Variants in CERT1 observed in about 807,000 individuals in gnomAD.
CERT1 encodes ceramide transfer protein.
In CERT1, 31 loss-of-function variants were observed where a neutral mutation model predicts 87.9. That is an observed-to-expected ratio of 0.35 (90% CI 0.27 to 0.48). The LOEUF is 0.48. CERT1 is among the 20% of genes least tolerant of loss of function. The probability of loss-of-function intolerance (pLI) is 0.99; values close to 1 mark genes in which losing one functional copy is unlikely to be tolerated. For missense variants in CERT1, 487 were observed against 758.0 expected, an observed-to-expected ratio of 0.64 and a Z score of 4.20; for synonymous variants, 289 against 250.9, an observed-to-expected ratio of 1.15 and a Z score of -1.44.
intron 15 of CERT1, 145 bp downstream of exon 15, chr5:75,381,804 T>A: frequency 1.3e-6 from 1 of 754,962 alleles, no homozygotes; most frequent in Non-Finnish European, 2.2e-6. Context: ...TGGGCTATAC[T>A]GTTCCTAGCA....
At chr5:75,430,563 G>A (rs949973891) in intron 3 of CERT1, among the ~76,000 whole-genome samples, 3 of 152,136 alleles carry the variant, frequency 2.0e-5, no homozygotes, top group Non-Finnish European at 4.4e-5. Flanking sequence ...AAGAAAATGT[G>A]GGAAGTGTAG....
intron 3 of CERT1, among the ~76,000 whole-genome samples, chr5:75,435,046 T>G (rs770565165): frequency 3.9e-5 from 6 of 152,186 alleles, no homozygotes; most frequent in Non-Finnish European, 8.8e-5. Context: ...TTTTTCTAGT[T>G]CATCATGGTG....
intron 2 of CERT1, among the ~76,000 whole-genome samples, chr5:75,466,951 G>A (rs1044532425): frequency 1.3e-5 from 2 of 152,176 alleles, no homozygotes; most frequent in Non-Finnish European, 2.9e-5. Flanking sequence ...GGTTCCAGGT[G>A]ATCCTCTTTA....
intron 3 of CERT1, 45 bp downstream of exon 3, chr5:75,459,020 C>T (rs1380024588): frequency 1.8e-6 from 2 of 1,084,694 alleles, no homozygotes; most frequent in Non-Finnish European, 2.8e-6. Flanking sequence ...TGTCAACAAT[C>T]TCTTACCTAG....
At chr5:75,419,549 T>C in intron 5 of CERT1, 125 bp from the exon 6 acceptor site, 1 of 662,614 alleles carries the variant, frequency 1.5e-6, no homozygotes, top group Non-Finnish European at 2.6e-6. Context: ...CTCATCTTTG[T>C]ATTTTCACTG....
At chr5:75,414,068 A>C (rs1166550631) in intron 7 of CERT1, among the ~76,000 whole-genome samples, 1 of 152,248 alleles carries the variant, frequency 6.6e-6, no homozygotes, top group Non-Finnish European at 1.5e-5. Context: ...GCAATAAAAA[A>C]GAATAAACTA....
chr5:75,399,226 A>C, intron 11 of CERT1, 84 bp downstream of exon 11: 2 of 1,044,096 alleles, frequency 1.9e-6, no homozygotes, highest in Non-Finnish European at 3.0e-6. Flanking sequence ...CAGTGGCCTA[A>C]CCAAAAGATT....
rs767045597 is a variant in CERT1 at position 75,381,149 on chromosome 5, G to A, written c.1670C>T (p.Thr557Ile). The A allele has an allele frequency of 1.4e-5, 23 of 1,614,060 alleles. No individual in the cohort carries two copies. Among genetic ancestry groups the A allele is most frequent in the Non-Finnish European group, 1.9e-5 (22 of 1,179,990 alleles). The change falls in exon 16 of 17, where the codon ACC becomes ATC. Residue 557 changes from threonine (T) to isoleucine (I), a missense_variant. Thr to Ile is a moderately conservative substitution (Grantham distance 89). Around this residue, in one of 8 missense-constraint regions of CERT1, gnomAD observed 147 missense variants for 200.8 expected, o/e 0.73. Coordinates refer to ENST00000643780, the MANE Select transcript of CERT1 (RefSeq NM_001379029.1). ...AKINVAMICQ[T>I]LVSPPEGNQE... ...GTTTCCCTCTGGTGGGCTTACCAAGGTTTGACAAATCATAGCAACATTTAT... is the reference window on the plus strand; with the variant it reads ...GTTTCCCTCTGGTGGGCTTACCAAGATTTGACAAATCATAGCAACATTTAT...
In CERT1 at chr5:75,460,257, C is replaced by T. The variant is rs140466058; in HGVS notation, c.232-1076G>A. ...ATTTATCAAATCTTATGAAATTTAA[C>T]AAAGCAAGATAAAAATGTTAACATT... On this transcript the variant is annotated intron_variant, in intron 2 of 16. Transcript: ENST00000643780. Among the ~76,000 whole-genome samples the T allele has an allele frequency of 7.9e-4, 120 of 152,048 alleles. 1 individual carries two copies. In the East Asian group the frequency reaches 0.021, roughly 27 times the overall value.
intron 8 of CERT1, among the ~76,000 whole-genome samples, chr5:75,409,319 T>A (rs1762836575): frequency 6.6e-6 from 1 of 152,202 alleles, no homozygotes; most frequent in Non-Finnish European, 1.5e-5. Context: ...TTAAGTCTCA[T>A]CAGAATGCAC....
chr5:75,388,318 G>T lies in CERT1; in HGVS notation c.1284+1274C>A, dbSNP rs139059686. ...CAGCATCTAATATTATATCTTATTT[G>T]CTAGAATAATTCTGGTCAACATAGA... On this transcript the variant is annotated intron_variant, in intron 12 of 16. Coordinates refer to ENST00000643780, the MANE Select transcript of CERT1 (RefSeq NM_001379029.1). Among the ~76,000 whole-genome samples the T allele has an allele frequency of 1.1e-3, 163 of 151,988 alleles. 1 individual carries two copies. The East Asian group carries it at 0.027, about 25-fold the overall frequency.
rs1554040550 is a variant in CERT1 at position 75,438,932 on chromosome 5, T to TTC, written c.349-12455_349-12454insGA. Among the ~76,000 whole-genome samples, 39 of 151,586 alleles carry TTC rather than the reference T, an allele frequency of 2.6e-4. No homozygotes were observed. In the South Asian group the frequency reaches 7.5e-3, roughly 29 times the overall value. Reference sequence around the variant, plus strand: ...ATATTAGGACATATCTTTTTTTTTTTCTTTTAAGAGCAATACCAGCCTGAA... The same window carrying TTC: ...ATATTAGGACATATCTTTTTTTTTTTTCCTTTTAAGAGCAATACCAGCCTGAA... On this transcript the variant is annotated intron_variant, in intron 3 of 16. Transcript: ENST00000643780.
intron 17 of CERT1, chr5:75,369,500 TAGAGTCTAATGGGAAAAAAAAAAACTTA>T (rs1761009041): frequency 6.6e-6 from 1 of 151,540 alleles, no homozygotes; most frequent in African/African-American, 2.4e-5. Context: ...CATTAAAAAG[TAGAGTCTAATGGGAAAAAAAAAAACTTA>T]AGAGTCAGGG....
chr5:75,403,417 A>C (rs1762578874), intron 8 of CERT1, among the ~76,000 whole-genome samples: 2 of 152,250 alleles, frequency 1.3e-5, no homozygotes, highest in Admixed American at 1.3e-4. Flanking sequence ...GAAAAAATAA[A>C]AGTAATAATA....
At chr5:75,436,178 G>A (rs1391780910) in intron 3 of CERT1, among the ~76,000 whole-genome samples, 1 of 152,080 alleles carries the variant, frequency 6.6e-6, no homozygotes, top group Non-Finnish European at 1.5e-5. Flanking sequence ...GACTACAGAC[G>A]TCCGCTACCA....
chr5:75,385,888 T>C lies in CERT1; in HGVS notation c.1417+14A>G. 1 of 1,459,660 alleles carries C rather than the reference T, an allele frequency of 6.9e-7. No homozygotes were observed. Among genetic ancestry groups the C allele is most frequent in the South Asian group, 1.5e-5 (1 of 65,676 alleles). The allele number at this position is 1,459,660 out of a possible 1,614,324, so 90.4% of individuals were successfully genotyped here. A position where few individuals can be genotyped will look rare whatever the true frequency, so the allele number is the denominator to read the frequency against. On this transcript the variant is annotated intron_variant, in intron 13 of 16. Transcript: ENST00000643780. ...AAAATAATAGATTAAAATATATTAA[T>C]AATGACAGCTTACTTTCCCAGTCAT... is the stretch of plus-strand genomic sequence containing the variant.
At chr5:75,392,091 G>T (rs923061318) in intron 11 of CERT1, among the ~76,000 whole-genome samples, 4 of 152,176 alleles carry the variant, frequency 2.6e-5, no homozygotes, top group Non-Finnish European at 4.4e-5. Flanking sequence ...GAAATGAGGT[G>T]TTTTTGATTT....
At chr5:75,438,738 A>G (rs1561263905) in intron 3 of CERT1, among the ~76,000 whole-genome samples, 1 of 152,098 alleles carries the variant, frequency 6.6e-6, no homozygotes, top group African/African-American at 2.4e-5. Flanking sequence ...ATTTTTTGCA[A>G]AAAAACTGCT....
rs140487918 is a variant in CERT1 at position 75,423,226 on chromosome 5, T to C, written c.595+2135A>G. ...CATCACTTTTGTCCTTCTAATACTATACGCTATTGGTATGGACCATTAAGA... is the reference window on the plus strand; with the variant it reads ...CATCACTTTTGTCCTTCTAATACTACACGCTATTGGTATGGACCATTAAGA... On this transcript the variant is annotated intron_variant, in intron 5 of 16. Transcript: ENST00000643780. Among the ~76,000 whole-genome samples, 215 of 152,348 alleles carry C rather than the reference T, an allele frequency of 1.4e-3. 1 individual carries two copies. The highest frequency in any genetic ancestry group is 4.3e-3 in the African/African-American group (179 of 41,586).
Sources: gnomAD v4.1 joint callset for allele counts (sites outside exome capture counted in the v4.1 genomes callset) on GRCh38, gnomAD v4.1.1 for gene constraint, gnomAD v4.1.1 regional missense constraint, MANE v1.5 for transcripts, NCBI Gene and HGNC (gene_info 2026-07-23, HGNC 2026-07-21) for gene names.